Variants in SUGCT observed in about 807,000 individuals in gnomAD.
SUGCT encodes succinyl-CoA:glutarate CoA-transferase.
In SUGCT, 41 loss-of-function variants were observed where a neutral mutation model predicts 55.0. That is an observed-to-expected ratio of 0.74 (90% confidence interval 0.58 to 0.97). The LOEUF (loss-of-function observed/expected upper bound fraction) is 0.97, where lower values mean the gene tolerates loss of function less well. Among genes scored for constraint, SUGCT ranks in the 50% least tolerant of loss-of-function variants. The pLI, the probability that SUGCT is intolerant of heterozygous loss-of-function variation, is 0.00. For synonymous variants in SUGCT, 187 were observed against 200.4 expected (o/e 0.93, Z 0.56); for missense variants, 568 against 547.8 (o/e 1.04, Z -0.37).
At position 40,247,287 on chromosome 7, in the gene SUGCT, G is replaced by C. The variant is rs142880438; in HGVS notation, c.576+9561G>C. On this transcript the variant is annotated intron_variant, in intron 7 of 13. Coordinates refer to ENST00000335693, the MANE Select transcript of SUGCT (RefSeq NM_001193313.2). ...CTTTTTTTGTGTGAGACAGAGTCTTGCTCTGTTGCCCGGGCTGGAGTGCAG... is the reference window on the plus strand; with the variant it reads ...CTTTTTTTGTGTGAGACAGAGTCTTCCTCTGTTGCCCGGGCTGGAGTGCAG... Among the ~76,000 whole-genome samples the C allele has an allele frequency of 6.1e-3, 920 of 151,954 alleles. 10 individuals are homozygous for C. The highest frequency in any genetic ancestry group is 0.021 in the African/African-American group (870 of 41,454).
intron 13 of SUGCT, among the ~76,000 whole-genome samples, chr7:40,833,983 C>G (rs1372037244): frequency 6.6e-6 from 1 of 152,220 alleles, no homozygotes; most frequent in Non-Finnish European, 1.5e-5. Context: ...GAGTTGCCCA[C>G]TGTGGGGTGC....
intron 12 of SUGCT, among the ~76,000 whole-genome samples, chr7:40,514,079 C>T (rs374895587): frequency 6.6e-6 from 1 of 151,896 alleles, no homozygotes; most frequent in Non-Finnish European, 1.5e-5. Flanking sequence ...TGTGAGTCAC[C>T]GTGCCCGGCA....
intron 7 of SUGCT, among the ~76,000 whole-genome samples, chr7:40,239,469 C>G (rs545192412): frequency 1.1e-3 from 160 of 152,288 alleles, no homozygotes; most frequent in African/African-American, 3.5e-3. Context: ...TCCATAGGCT[C>G]TCATGTGGCC....
At chr7:40,445,186 T>TA (rs1226423152) in intron 9 of SUGCT, among the ~76,000 whole-genome samples, 35 of 151,850 alleles carry the variant, frequency 2.3e-4, no homozygotes, top group Admixed American at 2.3e-3. Flanking sequence ...AAAAAACCCT[T>TA]AAAAAAATCA....
At chr7:40,792,605 AC>A (rs1338878398) in intron 13 of SUGCT, among the ~76,000 whole-genome samples, 1 of 152,114 alleles carries the variant, frequency 6.6e-6, no homozygotes, top group South Asian at 2.1e-4. Context: ...TCTGATGCAA[AC>A]AAAGTCTCTT....
chr7:40,834,984 T>A (rs917383648), intron 13 of SUGCT, among the ~76,000 whole-genome samples: 1 of 152,174 alleles, frequency 6.6e-6, no homozygotes, highest in African/African-American at 2.4e-5. Flanking sequence ...AAATTGGGAC[T>A]TTTTAGTGTT....
At chr7:40,276,861 T>A (rs1792529399) in intron 8 of SUGCT, among the ~76,000 whole-genome samples, 1 of 152,108 alleles carries the variant, frequency 6.6e-6, no homozygotes, top group Non-Finnish European at 1.5e-5. Context: ...TTATTGTCTC[T>A]GTTTCTCCCT....
chr7:40,890,351 A>G, the SUGCT span, among the ~76,000 whole-genome samples: 2 of 143,616 alleles, frequency 1.4e-5, no homozygotes, highest in South Asian at 2.1e-4. Context: ...AAATATTAAT[A>G]TATTTATAAT....
intron 9 of SUGCT, among the ~76,000 whole-genome samples, chr7:40,417,210 T>G (rs1787052226): frequency 6.6e-6 from 1 of 152,004 alleles, no homozygotes; most frequent in African/African-American, 2.4e-5. Context: ...GATCATACAT[T>G]TCAGCTTTTT....
At chr7:40,305,628 T>C (rs932607221) in intron 8 of SUGCT, among the ~76,000 whole-genome samples, 23 of 152,132 alleles carry the variant, frequency 1.5e-4, no homozygotes, top group African/African-American at 5.6e-4. Context: ...AATTATTCTT[T>C]TCTCTTGTAT....
At chr7:40,867,016 T>TG in the SUGCT span, among the ~76,000 whole-genome samples, 9 of 151,820 alleles carry the variant, frequency 5.9e-5, no homozygotes, top group African/African-American at 2.2e-4. Flanking sequence ...TAGGCCCAGA[T>TG]GGGGGGAGAA....
intron 9 of SUGCT, among the ~76,000 whole-genome samples, chr7:40,406,943 T>C (rs1309090302): frequency 6.6e-6 from 1 of 152,130 alleles, no homozygotes; most frequent in Non-Finnish European, 1.5e-5. Flanking sequence ...AAATTATACA[T>C]ATGGACAGAA....
At position 40,459,155 on chromosome 7, in the gene SUGCT, C is replaced by A. The variant is rs751540603; in HGVS notation, c.943C>A (p.Arg315=). Residue 315 remains arginine (R), a synonymous_variant, in exon 11 of 14, where the codon CGG becomes AGG. Transcript: ENST00000335693. ...DNSKYKTNHL[R]VHNRKELIKI... is the part of the protein sequence containing the mutation. ...TTCCAAGTATAAAACTAACCACCTT[C>A]GGGTACACAATAGAAAAGAGCTTAT... The A allele has an allele frequency of 1.9e-6, 3 of 1,611,358 alleles. No homozygotes were observed. In the African/African-American group the frequency reaches 4.0e-5, roughly 22 times the overall value.
intron 9 of SUGCT, among the ~76,000 whole-genome samples, chr7:40,357,935 G>T (rs1185486252): frequency 3.3e-5 from 5 of 152,078 alleles, no homozygotes; most frequent in African/African-American, 1.2e-4. Flanking sequence ...GAGAATCATT[G>T]ATCTATGATG....
intron 9 of SUGCT, among the ~76,000 whole-genome samples, chr7:40,426,718 A>T (rs1050982168): frequency 6.6e-6 from 1 of 152,218 alleles, no homozygotes; most frequent in African/African-American, 2.4e-5. Context: ...GTGAAAGTTT[A>T]TGGAAATAGT....
chr7:40,390,373 T>C (rs1474775955), intron 9 of SUGCT, among the ~76,000 whole-genome samples: 1 of 152,330 alleles, frequency 6.6e-6, no homozygotes, highest in East Asian at 1.9e-4. Flanking sequence ...CATGACTGTA[T>C]ATTTAGAAAA....
chr7:40,173,901 A>T (rs1441885712), intron 1 of SUGCT, among the ~76,000 whole-genome samples: 1 of 143,556 alleles, frequency 7.0e-6, no homozygotes, highest in Non-Finnish European at 1.5e-5. Flanking sequence ...ATTTATTTAT[A>T]TAATGTATAT....
At chr7:40,443,455 G>T (rs994239002) in intron 9 of SUGCT, among the ~76,000 whole-genome samples, 1 of 152,152 alleles carries the variant, frequency 6.6e-6, no homozygotes, top group African/African-American at 2.4e-5. Context: ...ATTTTGATTT[G>T]CATTTCTCTG....
chr7:40,699,204 A>G lies in SUGCT; in HGVS notation c.1090-50230A>G, dbSNP rs1023869288. On this transcript the variant is annotated intron_variant, in intron 12 of 13. Coordinates refer to ENST00000335693, the MANE Select transcript of SUGCT (RefSeq NM_001193313.2). ...TATGGCAACATGTCCTCAGGCTATC[A>G]AAGATGGGGCTCCTGTGATGCTTGC... is the stretch of plus-strand genomic sequence containing the variant. Among the ~76,000 whole-genome samples the G allele has an allele frequency of 5.3e-4, 81 of 152,320 alleles. No homozygotes were observed. In the Middle Eastern group the frequency reaches 0.01, roughly 19 times the overall value.
Sources: allele counts gnomAD v4.1 joint callset (sites outside exome capture counted in the v4.1 genomes callset), GRCh38; gene constraint gnomAD v4.1.1; transcripts MANE v1.5; gene names NCBI Gene and HGNC (gene_info 2026-07-23, HGNC 2026-07-21).